KIAA1328: variants seen among roughly 807,000 people sequenced by gnomAD.
KIAA1328 encodes the protein KIAA1328, also known as protein hinderin.
KIAA1328 carries 52 observed loss-of-function variants against 68.1 expected under a neutral mutation model. The ratio of observed to expected loss-of-function variants is 0.76; its 90% CI spans 0.61 to 0.96. The LOEUF is 0.96. Ranked by LOEUF, KIAA1328 falls within the 40% of genes least tolerant of loss-of-function variation. The pLI is 0.00. For synonymous variants in KIAA1328, 232 were observed against 239.4 expected, an observed-to-expected ratio of 0.97 and a Z score of 0.28; for missense variants, 641 against 677.6, an observed-to-expected ratio of 0.95 and a Z score of 0.60.
chr18:36,923,437 A>G (rs1447279664), intron 5 of KIAA1328, among the ~76,000 whole-genome samples: 1 of 152,198 alleles, frequency 6.6e-6, no homozygotes, highest in African/African-American at 2.4e-5. Flanking sequence ...AGAGAAGACA[A>G]ATTACCAAAT....
rs369131552 is a variant in KIAA1328 at position 36,848,583 on chromosome 18, A to G, written c.332+4281A>G. ...TTTTTTTTGCCCTTTTGCATTGGGT[A>G]GTACTTCCAGTACAATGTTGAATGA... On this transcript the variant is annotated intron_variant, in intron 4 of 9. Transcript: ENST00000280020. 3.0e-5 allele frequency among the ~76,000 whole-genome samples: 3 copies of G among 101,062 alleles called. No homozygotes were observed. In the South Asian group the frequency reaches 8.9e-4, roughly 30 times the overall value. 66.3% of individuals were successfully genotyped at this position (101,062 alleles called of 152,430 possible).
intron 6 of KIAA1328, among the ~76,000 whole-genome samples, chr18:36,994,940 CTATT>C (rs10573421): frequency 0.67 from 100,302 of 149,406 alleles, 36,161 homozygotes; most frequent in Middle Eastern, 0.82. Flanking sequence ...CATTCACCCA[CTATT>C]TATTTATTTA....
intron 5 of KIAA1328, among the ~76,000 whole-genome samples, chr18:36,917,701 G>A (rs1002744542): frequency 6.6e-6 from 1 of 152,122 alleles, no homozygotes; most frequent in African/African-American, 2.4e-5. Context: ...TAATATATAG[G>A]ATTTGTGCAG....
At chr18:36,924,302 C>A (rs1031374474) in intron 5 of KIAA1328, among the ~76,000 whole-genome samples, 4 of 152,026 alleles carry the variant, frequency 2.6e-5, no homozygotes, top group African/African-American at 9.7e-5. Flanking sequence ...TTCAGGAGCT[C>A]ACTCTCTAAC....
chr18:37,190,172 T>C (rs1599552322), intron 9 of KIAA1328, among the ~76,000 whole-genome samples: 1 of 152,322 alleles, frequency 6.6e-6, no homozygotes, highest in Non-Finnish European at 1.5e-5. Flanking sequence ...GTCTTTTTAC[T>C]GCCAGAGCAC....
chr18:37,131,676 A>G (rs1046634991), intron 7 of KIAA1328, among the ~76,000 whole-genome samples: 1 of 152,214 alleles, frequency 6.6e-6, no homozygotes, highest in Non-Finnish European at 1.5e-5. Flanking sequence ...TTTTAAAACT[A>G]TGGTTCATTT....
At chr18:37,037,356 A>C (rs1036932418) in intron 6 of KIAA1328, among the ~76,000 whole-genome samples, 23 of 152,334 alleles carry the variant, frequency 1.5e-4, no homozygotes, top group Admixed American at 1.5e-3. Flanking sequence ...ATAAGGGTTC[A>C]TTTAGTTACT....
At chr18:36,992,717 G>A (rs2151422227) in intron 6 of KIAA1328, among the ~76,000 whole-genome samples, 1 of 152,210 alleles carries the variant, frequency 6.6e-6, no homozygotes, top group South Asian at 2.1e-4. Flanking sequence ...TCAAATATTA[G>A]AAACCAGCCA....
chr18:36,861,882 C>T (rs1239132461), intron 4 of KIAA1328, among the ~76,000 whole-genome samples: 1 of 152,030 alleles, frequency 6.6e-6, no homozygotes, highest in African/African-American at 2.4e-5. Context: ...GTTGCCCAGG[C>T]TGGTCTTGAA....
At chr18:36,885,235 A>G (rs998345137) in intron 4 of KIAA1328, among the ~76,000 whole-genome samples, 2 of 152,288 alleles carry the variant, frequency 1.3e-5, no homozygotes, top group East Asian at 3.9e-4. Flanking sequence ...AATGAAACCC[A>G]TGTTTTAAAA....
intron 4 of KIAA1328, among the ~76,000 whole-genome samples, chr18:36,849,531 C>T (rs1022181979): frequency 6.6e-6 from 1 of 152,052 alleles, no homozygotes; most frequent in Non-Finnish European, 1.5e-5. Context: ...GGGGCCTATT[C>T]TGTCCACCTT....
intron 7 of KIAA1328, among the ~76,000 whole-genome samples, chr18:37,126,568 C>CA (rs1599362449): frequency 6.6e-6 from 1 of 151,758 alleles, no homozygotes; most frequent in Non-Finnish European, 1.5e-5. Flanking sequence ...AAAATTCTTG[C>CA]AAAAAAATGA....
At chr18:37,177,694 T>C (rs2059621342) in intron 9 of KIAA1328, among the ~76,000 whole-genome samples, 1 of 152,144 alleles carries the variant, frequency 6.6e-6, no homozygotes, top group Non-Finnish European at 1.5e-5. Flanking sequence ...TTTTGTTTTG[T>C]TTCTTTTTGA....
At position 37,158,957 on chromosome 18, in the gene KIAA1328, G is replaced by A. The variant is rs7234858; in HGVS notation, c.1233-1243G>A. Among the ~76,000 whole-genome samples, 107 of 151,738 alleles carry A rather than the reference G, an allele frequency of 7.1e-4. No homozygotes were observed. In the East Asian group the frequency reaches 0.016, roughly 23 times the overall value. On this transcript the variant is annotated intron_variant, in intron 7 of 9. Transcript: ENST00000280020. ...TCACAATAAGGTACTTTTATTTTCC[G>A]TATTTCCCTGTTCCGTGAGTGCAAT...
At chr18:36,846,809 C>A (rs2047044913) in intron 4 of KIAA1328, among the ~76,000 whole-genome samples, 1 of 151,402 alleles carries the variant, frequency 6.6e-6, no homozygotes, top group Non-Finnish European at 1.5e-5. Flanking sequence ...CCATCATAAC[C>A]ATTTTTAAGT....
At chr18:37,103,876 T>G (rs924743268) in intron 7 of KIAA1328, among the ~76,000 whole-genome samples, 2 of 151,218 alleles carry the variant, frequency 1.3e-5, no homozygotes, top group African/African-American at 2.4e-5. Flanking sequence ...TAGGTATTTC[T>G]CAAAAGAAGA....
chr18:37,181,135 A>C (rs2059691814), intron 9 of KIAA1328, among the ~76,000 whole-genome samples: 1 of 152,122 alleles, frequency 6.6e-6, no homozygotes, highest in Admixed American at 6.6e-5. Flanking sequence ...TATTCACTAT[A>C]CACAAAGTAA....
chr18:37,030,533 C>T (rs2054781097), intron 6 of KIAA1328, among the ~76,000 whole-genome samples: 3 of 152,082 alleles, frequency 2.0e-5, no homozygotes, highest in Non-Finnish European at 4.4e-5. Context: ...ATTTCAATAT[C>T]TTGAAATTAT....
At chr18:37,016,342 A>T (rs1288888983) in intron 6 of KIAA1328, among the ~76,000 whole-genome samples, 1 of 152,184 alleles carries the variant, frequency 6.6e-6, no homozygotes, top group African/African-American at 2.4e-5. Flanking sequence ...CCCAGGAACA[A>T]AGCCTACTTG....
Sources: allele counts gnomAD v4.1 joint callset (sites outside exome capture counted in the v4.1 genomes callset), GRCh38; gene constraint gnomAD v4.1.1; transcripts MANE v1.5; gene names NCBI Gene and HGNC (gene_info 2026-07-23, HGNC 2026-07-21).